The following ZNF782 variants were observed in gnomAD, a reference collection of about 807,000 sequenced individuals.
ZNF782 encodes zinc finger protein 782.
ZNF782 carries 12 observed loss-of-function variants against 13.0 expected under a neutral mutation model. The ratio of observed to expected loss-of-function variants is 0.92; its 90% CI spans 0.59 to 1.50. ZNF782 has a LOEUF of 1.50. Among genes scored for constraint, ZNF782 ranks in the 40% most tolerant of loss-of-function variants. The pLI is 0.00. For missense variants in ZNF782, 770 were observed against 822.9 expected (o/e 0.94, Z 0.79); for synonymous variants, 284 against 283.0 (o/e 1.00, Z -0.04).
chr9:96,897,990 G>A, the ZNF782 span: 1 of 150,892 alleles, frequency 6.6e-6, no homozygotes, highest in African/African-American at 2.5e-5. Flanking sequence ...GGACAATAGG[G>A]ATAAAGACCA....
intron 1 of ZNF782, among the ~76,000 whole-genome samples, chr9:96,863,713 A>C (rs1007800828): frequency 2.0e-5 from 3 of 152,236 alleles, no homozygotes; most frequent in South Asian, 2.1e-4. Flanking sequence ...CTTTGCAGCA[A>C]CTTGGATGGA....
the ZNF782 span, chr9:96,890,843 C>A: frequency 1.3e-5 from 2 of 152,174 alleles, no homozygotes; most frequent in Non-Finnish European, 2.9e-5. Flanking sequence ...GTGTTCACAG[C>A]AACATTATTC....
At chr9:96,876,106 C>T (rs999961763), upstream of ZNF782, among the ~76,000 whole-genome samples, 1 of 152,176 alleles carries the variant, frequency 6.6e-6, no homozygotes, top group Non-Finnish European at 1.5e-5. Context: ...CTGCCGAATA[C>T]GGTGCGTGGT....
At chr9:96,820,542 C>CT (rs375716425) in intron 5 of ZNF782, among the ~76,000 whole-genome samples, 2,497 of 137,716 alleles carry the variant, frequency 0.018, 33 homozygotes, top group Non-Finnish European at 0.026. Flanking sequence ...AATAGTGAAT[C>CT]TTTTTTTTTT....
the ZNF782 span, among the ~76,000 whole-genome samples, chr9:96,903,447 G>A: frequency 6.6e-6 from 1 of 150,938 alleles, no homozygotes; most frequent in East Asian, 2.0e-4. Context: ...ACCAGTGGGA[G>A]AAGTTTTCAG....
At chr9:96,839,054 C>G (rs931009793) in intron 4 of ZNF782, among the ~76,000 whole-genome samples, 1 of 152,174 alleles carries the variant, frequency 6.6e-6, no homozygotes, top group South Asian at 2.1e-4. Flanking sequence ...AGGAAGAGTC[C>G]TGGCTTACCA....
intron 4 of ZNF782, among the ~76,000 whole-genome samples, chr9:96,836,710 T>C (rs1030899417): frequency 1.3e-5 from 2 of 152,124 alleles, no homozygotes; most frequent in African/African-American, 4.8e-5. Context: ...TGATCCCCAA[T>C]GTAGCAGTGT....
chr9:96,863,469 A>G (rs1851727709), intron 1 of ZNF782, among the ~76,000 whole-genome samples: 1 of 152,230 alleles, frequency 6.6e-6, no homozygotes, highest in African/African-American at 2.4e-5. Flanking sequence ...TCTTTGAAGA[A>G]CTAAAAGTAG....
At chr9:96,870,731 A>G (rs1390826007) in intron 1 of ZNF782, among the ~76,000 whole-genome samples, 1 of 152,208 alleles carries the variant, frequency 6.6e-6, no homozygotes, top group Non-Finnish European at 1.5e-5. Flanking sequence ...TTCCCCCAAT[A>G]TTGCTGCATA....
the ZNF782 span, among the ~76,000 whole-genome samples, chr9:96,899,064 G>A: frequency 2.7e-5 from 4 of 148,970 alleles, 1 homozygote; most frequent in African/African-American, 1.0e-4. Flanking sequence ...CTGTCTGCCC[G>A]ATTGTGAGTA....
At chr9:96,892,783 A>ATATC in the ZNF782 span, 1 of 152,170 alleles carries the variant, frequency 6.6e-6, no homozygotes, top group Non-Finnish European at 1.5e-5. Context: ...TCTAAGAAAT[A>ATATC]TATCTGGCTT....
the ZNF782 span, among the ~76,000 whole-genome samples, chr9:96,927,028 T>C: frequency 6.6e-6 from 1 of 152,118 alleles, no homozygotes; most frequent in Non-Finnish European, 1.5e-5. Context: ...ACTCCCCTTG[T>C]TCACAACACA....
chr9:96,908,163 T>C, the ZNF782 span, among the ~76,000 whole-genome samples: 1 of 151,806 alleles, frequency 6.6e-6, no homozygotes, highest in South Asian at 2.1e-4. Flanking sequence ...GAGTAAGCAC[T>C]CAATAAATGG....
At chr9:96,822,643 C>T (rs1341733338) in intron 5 of ZNF782, among the ~76,000 whole-genome samples, 1 of 152,090 alleles carries the variant, frequency 6.6e-6, no homozygotes, top group African/African-American at 2.4e-5. Flanking sequence ...ATTTTTATTA[C>T]ATCTTTTGCT....
At chr9:96,834,676 T>C (rs1850929350) in intron 4 of ZNF782, among the ~76,000 whole-genome samples, 1 of 152,228 alleles carries the variant, frequency 6.6e-6, no homozygotes, top group Non-Finnish European at 1.5e-5. Flanking sequence ...GCCACCAGAA[T>C]TGTGAGCTAA....
chr9:96,882,505 G>A, the ZNF782 span, among the ~76,000 whole-genome samples: 1 of 151,884 alleles, frequency 6.6e-6, no homozygotes, highest in African/African-American at 2.4e-5. Context: ...CTTTTCCATT[G>A]TAAATTAGCA....
At chr9:96,868,828 T>G (rs961231360) in intron 1 of ZNF782, among the ~76,000 whole-genome samples, 3 of 152,208 alleles carry the variant, frequency 2.0e-5, no homozygotes, top group Non-Finnish European at 4.4e-5. Flanking sequence ...TACATGAGAA[T>G]AATGTTTTTG....
chr9:96,898,433 CT>C, the ZNF782 span, among the ~76,000 whole-genome samples: 4 of 148,442 alleles, frequency 2.7e-5, 1 homozygote, highest in African/African-American at 1.0e-4. Context: ...CCTTCTTTCA[CT>C]TGTCATAATG....
intron 1 of ZNF782, among the ~76,000 whole-genome samples, chr9:96,874,491 C>G (rs1166624639): frequency 6.6e-6 from 1 of 152,190 alleles, no homozygotes. Context: ...GACCTCCCCA[C>G]AAGCTCTCCT....
Sources: gnomAD v4.1 joint callset for allele counts (sites outside exome capture counted in the v4.1 genomes callset) on GRCh38, gnomAD v4.1.1 for gene constraint, MANE v1.5 for transcripts, NCBI Gene and HGNC (gene_info 2026-07-23, HGNC 2026-07-21) for gene names.